Variants in ABCA13 observed in about 807,000 individuals in gnomAD.
The protein encoded by ABCA13 is ATP binding cassette subfamily A member 13, also known as ATP-binding cassette sub-family A member 13.
A neutral mutation model predicts 478.7 loss-of-function variants in ABCA13; 476 were observed. The ratio of observed to expected loss-of-function variants is 0.99; its 90% CI spans 0.92 to 1.07. The LOEUF (loss-of-function observed/expected upper bound fraction) is 1.07. Among genes scored for constraint, ABCA13 ranks in the 50% least tolerant of loss-of-function variants. The pLI is 0.00. For missense variants in ABCA13, 6,060 were observed against 5,910.6 expected (o/e 1.03, Z -0.83); for synonymous variants, 2,252 against 2,158.9 (o/e 1.04, Z -1.20).
chr7:48,411,241 C>CTT (rs1819161696), intron 40 of ABCA13, among the ~76,000 whole-genome samples: 1 of 115,642 alleles, frequency 8.6e-6, no homozygotes, highest in Non-Finnish European at 1.8e-5. Flanking sequence ...TTCTTTCTTT[C>CTT]TCTTTCTGTT....
At chr7:48,539,884 T>C (rs1056242572) in intron 55 of ABCA13, among the ~76,000 whole-genome samples, 1 of 152,234 alleles carries the variant, frequency 6.6e-6, no homozygotes, top group Non-Finnish European at 1.5e-5. Flanking sequence ...TTGCTCCAAA[T>C]GCTACATGCT....
rs576616576 is a variant in ABCA13, at chr7:48,342,194, C to T, written c.10204+3739C>T. ...TTCACAGTGGTAAGATAATGTACTTCGCTAATACGATTTCATTTGCTTAAC... is the reference window on the plus strand; with the variant it reads ...TTCACAGTGGTAAGATAATGTACTTTGCTAATACGATTTCATTTGCTTAAC... On this transcript the variant is annotated intron_variant, in intron 29 of 61. Transcript: ENST00000435803. Among the ~76,000 whole-genome samples the T allele has an allele frequency of 1.6e-4, 25 of 151,906 alleles. No individual in the cohort carries two copies. In the South Asian group the frequency reaches 4.1e-3, roughly 25 times the overall value.
At position 48,275,622 on chromosome 7, in the gene ABCA13, A is replaced by G. The variant is rs757708070; in HGVS notation, c.5956A>G (p.Ile1986Val). 3.7e-5 allele frequency: 60 copies of G among 1,608,186 alleles called. No homozygotes were observed. In the South Asian group the frequency reaches 5.7e-4, roughly 15 times the overall value. ...AAGTAGTTTAAACAAGATCCTTAAC[A>G]TTAATGAAGACACAGAGACATCTGT... is the stretch of plus-strand genomic sequence containing the variant. ...KLSSLNKILN[I>V]NEDTETSVQN... Residue 1986 changes from isoleucine (I) to valine (V), a missense_variant, in exon 17 of 62, where the codon ATT (isoleucine) becomes GTT (valine). This residue lies in a region of ABCA13 where 4,423 missense variants were observed against 4,309.1 expected (regional missense o/e 1.03). Coordinates refer to ENST00000435803, the MANE Select transcript of ABCA13 (RefSeq NM_152701.5).
intron 1 of ABCA13, among the ~76,000 whole-genome samples, chr7:48,187,010 T>C (rs1796434678): frequency 7.1e-6 from 1 of 140,356 alleles, no homozygotes; most frequent in African/African-American, 2.6e-5. Context: ...CATATATATA[T>C]GTGTGTGTGT....
At chr7:48,358,849 G>A (rs1218785239) in intron 31 of ABCA13, among the ~76,000 whole-genome samples, 2 of 152,006 alleles carry the variant, frequency 1.3e-5, no homozygotes, top group Non-Finnish European at 2.9e-5. Flanking sequence ...TATGACCTGA[G>A]AGTCTGAATT....
At chr7:48,573,523 C>A (rs1787881988) in intron 55 of ABCA13, among the ~76,000 whole-genome samples, 1 of 151,902 alleles carries the variant, frequency 6.6e-6, no homozygotes, top group Non-Finnish European at 1.5e-5. Flanking sequence ...TAGCGAGACT[C>A]CATCTCCACA....
intron 31 of ABCA13, among the ~76,000 whole-genome samples, chr7:48,356,983 ATTGCTTT>A (rs1258256502): frequency 6.6e-6 from 1 of 151,852 alleles, no homozygotes; most frequent in Non-Finnish European, 1.5e-5. Flanking sequence ...TATTTCCTCT[ATTGCTTT>A]TTGGCTGCTT....
At chr7:48,454,934 A>T (rs952516462) in intron 42 of ABCA13, 103 bp from the exon 43 acceptor site, 1 of 1,395,160 alleles carries the variant, frequency 7.2e-7, no homozygotes, top group Non-Finnish European at 9.3e-7. Context: ...TCGCATTCCC[A>T]TGGCTGCGAG....
chr7:48,522,179 A>G (rs35915440), intron 53 of ABCA13, among the ~76,000 whole-genome samples: 12,781 of 152,198 alleles, frequency 0.084, 937 homozygotes, highest in African/African-American at 0.2. Context: ...TTGCAAGAAA[A>G]TAGGGAGACC....
chr7:48,204,459 C>T (rs1000535947), intron 3 of ABCA13, among the ~76,000 whole-genome samples: 3 of 152,180 alleles, frequency 2.0e-5, no homozygotes, highest in African/African-American at 7.2e-5. Flanking sequence ...GATCTGCCCC[C>T]CTTGGCCTCC....
intron 7 of ABCA13, among the ~76,000 whole-genome samples, chr7:48,232,409 G>A (rs955255024): frequency 5.3e-5 from 8 of 151,992 alleles, no homozygotes; most frequent in East Asian, 1.9e-4. Context: ...TGTAATTACC[G>A]TTAAGAATGT....
chr7:48,457,269 C>T (rs1328210970), intron 43 of ABCA13, among the ~76,000 whole-genome samples: 2 of 142,824 alleles, frequency 1.4e-5, no homozygotes, highest in Non-Finnish European at 3.2e-5. Context: ...ATATATTAAG[C>T]ATCATCTATA....
chr7:48,377,206 A>G (rs1374024257), intron 35 of ABCA13, among the ~76,000 whole-genome samples: 1 of 152,144 alleles, frequency 6.6e-6, no homozygotes, highest in East Asian at 1.9e-4. Flanking sequence ...AAAAAAAAAA[A>G]AAGGCCAGTA....
At chr7:48,201,448 G>A (rs1798699723) in intron 3 of ABCA13, among the ~76,000 whole-genome samples, 1 of 147,648 alleles carries the variant, frequency 6.8e-6, no homozygotes. Context: ...CTCACACAGA[G>A]GAGACCAACT....
At position 48,412,409 on chromosome 7, in the gene ABCA13, A is replaced by G; in HGVS notation, c.12285A>G (p.Ile4095Met). 6.2e-7 allele frequency: 1 copy of G among 1,613,458 alleles called. No individual in the cohort carries two copies. Among genetic ancestry groups the G allele is most frequent in the East Asian group, 2.2e-5 (1 of 44,802 alleles). ...ACATGGCTTGTGTTACATCCCTGAT[A>G]AAGATCTATATTCCACAAGCATTTC... is the stretch of plus-strand genomic sequence containing the variant. ...LKDMACVTSL[I>M]KIYIPQAFLK... is the part of the protein sequence containing the mutation. The change falls in exon 41 of 62, where the codon ATA (isoleucine) becomes ATG (methionine). Residue 4095 changes from isoleucine to methionine, a missense_variant. Physicochemically the swap from Ile to Met is conservative, Grantham distance 10 (BLOSUM62 1). Around this residue, in one of 3 missense-constraint regions of ABCA13, gnomAD observed 1,627 missense variants for 1,571.0 expected, o/e 1.04. Coordinates refer to ENST00000435803, the MANE Select transcript of ABCA13 (RefSeq NM_152701.5).
intron 7 of ABCA13, among the ~76,000 whole-genome samples, chr7:48,233,439 A>G (rs956248062): frequency 1.3e-5 from 2 of 152,148 alleles, no homozygotes; most frequent in African/African-American, 4.8e-5. Context: ...TGAATGTGTC[A>G]CTACTAGATA....
rs190746274 is a variant in ABCA13 at position 48,494,184 on chromosome 7, T to C, written c.13291+4840T>C. Among the ~76,000 whole-genome samples the C allele has an allele frequency of 1.7e-3, 266 of 152,280 alleles. 1 individual carries two copies. The highest frequency in any genetic ancestry group is 6.2e-3 in the African/African-American group (256 of 41,578). On this transcript the variant is annotated intron_variant, in intron 48 of 61. Coordinates refer to ENST00000435803, the MANE Select transcript of ABCA13 (RefSeq NM_152701.5). ...GAGAAGGGTGGTGCATGTTGCATGC[T>C]AGGATGATGGGACAGAGATGAAATG...
intron 3 of ABCA13, among the ~76,000 whole-genome samples, chr7:48,215,297 C>T (rs1786279724): frequency 6.6e-6 from 1 of 151,956 alleles, no homozygotes; most frequent in Non-Finnish European, 1.5e-5. Flanking sequence ...GGGGGAATGG[C>T]CAAACAGTGG....
chr7:48,510,981 A>G, intron 50 of ABCA13, 103 bp from the exon 51 acceptor site: 1 of 969,300 alleles, frequency 1.0e-6, no homozygotes, highest in South Asian at 1.5e-5. Context: ...GCAAAATAGG[A>G]AATATATTTG....
Sources: gnomAD v4.1 joint callset for allele counts (sites outside exome capture counted in the v4.1 genomes callset) on GRCh38, gnomAD v4.1.1 for gene constraint, gnomAD v4.1.1 regional missense constraint, MANE v1.5 for transcripts, NCBI Gene and HGNC (gene_info 2026-07-23, HGNC 2026-07-21) for gene names.